The following SLCO4C1 variants were observed in gnomAD, a reference collection of about 807,000 sequenced individuals.
SLCO4C1 encodes the protein organic anion transporter M1.
SLCO4C1 carries 58 observed loss-of-function variants against 72.1 expected under a neutral mutation model. The observed-to-expected ratio is 0.80, with a 90% CI of 0.65 to 1.00. The LOEUF (loss-of-function observed/expected upper bound fraction) is 1.00, where lower values mean the gene tolerates loss of function less well. Among genes scored for constraint, SLCO4C1 ranks in the 50% least tolerant of loss-of-function variants. SLCO4C1 has a pLI of 0.00. For missense variants in SLCO4C1, 898 were observed against 857.9 expected, an observed-to-expected ratio of 1.05 and a Z score of -0.58; for synonymous variants, 297 against 312.5, an observed-to-expected ratio of 0.95 and a Z score of 0.52.
At chr5:102,277,829 GA>G (rs1749277057) in intron 2 of SLCO4C1, among the ~76,000 whole-genome samples, 1 of 149,766 alleles carries the variant, frequency 6.7e-6, no homozygotes, top group South Asian at 2.1e-4. Flanking sequence ...GCAGTACCTA[GA>G]AAAAAACACT....
intron 9 of SLCO4C1, among the ~76,000 whole-genome samples, chr5:102,248,246 A>G (rs1748671897): frequency 6.6e-6 from 1 of 152,082 alleles, no homozygotes; most frequent in South Asian, 2.1e-4. Context: ...GGTGCTTATT[A>G]AAAGTATTAT....
At chr5:102,265,875 A>G (rs1412322803) in intron 3 of SLCO4C1, among the ~76,000 whole-genome samples, 1 of 152,138 alleles carries the variant, frequency 6.6e-6, no homozygotes. Flanking sequence ...TAGGGATTGC[A>G]TTGAATCTGT....
At chr5:102,280,702 G>A (rs963977855) in intron 2 of SLCO4C1, among the ~76,000 whole-genome samples, 7 of 152,170 alleles carry the variant, frequency 4.6e-5, no homozygotes, top group Admixed American at 2.6e-4. Flanking sequence ...GGTCGCAGGC[G>A]AGAGAGCATG....
chr5:102,256,984 T>C, intron 8 of SLCO4C1, 131 bp downstream of exon 8: 1 of 623,058 alleles, frequency 1.6e-6, no homozygotes, highest in African/African-American at 1.9e-5. Flanking sequence ...AAACCACATG[T>C]TCTTACATAG....
chr5:102,261,976 A>C lies in SLCO4C1; in HGVS notation c.957T>G (p.Leu319=). 6.2e-7 allele frequency: 1 copy of C among 1,613,246 alleles called. No homozygotes were observed. The highest frequency in any genetic ancestry group is 8.5e-7 in the Non-Finnish European group (1 of 1,179,502). ...RWLGAWWIGF[L]LSWIFAWSLI... ...AAGACCAAGCAAAGATCCATGATAG[A>C]AGAAACCCAATCCACCAAGCTCCCA... is the stretch of plus-strand genomic sequence containing the variant. Residue 319 remains leucine, a synonymous_variant, in exon 5 of 13, where the codon CTT becomes CTG. Coordinates refer to ENST00000310954, the MANE Select transcript of SLCO4C1 (RefSeq NM_180991.5).
chr5:102,259,156 A>C (rs1338991371), intron 6 of SLCO4C1, among the ~76,000 whole-genome samples: 1 of 152,114 alleles, frequency 6.6e-6, no homozygotes, highest in African/African-American at 2.4e-5. Context: ...AAAAGTATTC[A>C]CCTAGTAAAA....
intron 2 of SLCO4C1, among the ~76,000 whole-genome samples, chr5:102,290,967 G>T (rs1385184701): frequency 6.6e-6 from 1 of 151,402 alleles, no homozygotes; most frequent in Non-Finnish European, 1.5e-5. Context: ...CTCAAATCAG[G>T]AATCAACATG....
chr5:102,255,555 T>G (rs1215773428), intron 8 of SLCO4C1, among the ~76,000 whole-genome samples: 1 of 152,214 alleles, frequency 6.6e-6, no homozygotes, highest in African/African-American at 2.4e-5. Flanking sequence ...ACACATAATC[T>G]AAGTTCCATT....
Position 102,249,740 on chromosome 5 carries a change from G to C in SLCO4C1, c.1518C>G (p.Asn506Lys), listed in dbSNP as rs1386518718. The change falls in exon 9 of 13, where the codon AAC (asparagine) becomes AAG (lysine). Residue 506 changes from asparagine to lysine, a missense_variant. By Grantham distance (94) the Asn-to-Lys change is moderately conservative. Coordinates refer to ENST00000310954, the MANE Select transcript of SLCO4C1 (RefSeq NM_180991.5). Reference protein sequence around the residue: ...NLIAPCNANCNCSRSYYYPVC... With the variant: ...NLIAPCNANCKCSRSYYYPVC... ...CAGGATAATAATATGATCGCGAACA[G>C]TTACAATTGGCATTACAAGGGGCTA... 6.2e-7 allele frequency: 1 copy of C among 1,613,898 alleles called. No homozygotes were observed. Among genetic ancestry groups the C allele is most frequent in the Admixed American group, 1.7e-5 (1 of 59,968 alleles).
At chr5:102,274,258 A>T (rs1035709403) in intron 2 of SLCO4C1, among the ~76,000 whole-genome samples, 1 of 152,188 alleles carries the variant, frequency 6.6e-6, no homozygotes, top group Non-Finnish European at 1.5e-5. Context: ...ACGATACACC[A>T]CAAGTGGAAG....
At chr5:102,247,690 T>C (rs1053938044) in intron 9 of SLCO4C1, among the ~76,000 whole-genome samples, 2 of 152,154 alleles carry the variant, frequency 1.3e-5, no homozygotes, top group East Asian at 1.9e-4. Context: ...ACAGTGATTA[T>C]TGACTTACAA....
chr5:102,280,277 C>T (rs1749330367), intron 2 of SLCO4C1, among the ~76,000 whole-genome samples: 1 of 151,384 alleles, frequency 6.6e-6, no homozygotes, highest in Admixed American at 6.6e-5. Flanking sequence ...ATAAAACATA[C>T]AAAAATCTAC....
At chr5:102,282,324 A>C (rs993784017) in intron 2 of SLCO4C1, among the ~76,000 whole-genome samples, 29 of 152,164 alleles carry the variant, frequency 1.9e-4, no homozygotes, top group Middle Eastern at 3.4e-3. Flanking sequence ...AGGTTGCAAC[A>C]TATTTTATTA....
At chr5:102,256,632 T>A (rs1748839821) in intron 8 of SLCO4C1, among the ~76,000 whole-genome samples, 2 of 152,210 alleles carry the variant, frequency 1.3e-5, no homozygotes, top group African/African-American at 4.8e-5. Flanking sequence ...ATTTATTTAT[T>A]TACAATAAAC....
At chr5:102,249,418 T>C (rs2112345420) in intron 9 of SLCO4C1, among the ~76,000 whole-genome samples, 1 of 152,308 alleles carries the variant, frequency 6.6e-6, no homozygotes, top group African/African-American at 2.4e-5. Flanking sequence ...AACAAAGTGA[T>C]GTTACTAAAA....
chr5:102,260,347 AAT>A (rs1225879304), intron 5 of SLCO4C1, 28 bp from the exon 6 acceptor site: 5 of 315,490 alleles, frequency 1.6e-5, no homozygotes, highest in Non-Finnish European at 2.5e-5. Flanking sequence ...ATATATATAT[AAT>A]ATATATATTA....
At chr5:102,271,906 G>T (rs1264549923) in intron 2 of SLCO4C1, among the ~76,000 whole-genome samples, 2 of 152,020 alleles carry the variant, frequency 1.3e-5, no homozygotes, top group East Asian at 1.9e-4. Flanking sequence ...TGCGAAAAAG[G>T]CCTCAGAAGA....
intron 8 of SLCO4C1, among the ~76,000 whole-genome samples, chr5:102,255,779 T>C (rs1748822690): frequency 1.5e-5 from 1 of 67,776 alleles, no homozygotes; most frequent in South Asian, 4.2e-4. Context: ...TTCAATTCCA[T>C]AGCAATTTTT....
chr5:102,243,240 G>A (rs1330023971), intron 10 of SLCO4C1, among the ~76,000 whole-genome samples: 2 of 152,266 alleles, frequency 1.3e-5, no homozygotes, highest in Middle Eastern at 3.4e-3. Context: ...ACTTCTGGGT[G>A]GCACTTCTAG....
Sources: gnomAD v4.1 joint callset for allele counts (sites outside exome capture counted in the v4.1 genomes callset) on GRCh38, gnomAD v4.1.1 for gene constraint, MANE v1.5 for transcripts, NCBI Gene and HGNC (gene_info 2026-07-23, HGNC 2026-07-21) for gene names.